TPGS2: variants seen among roughly 807,000 people sequenced by gnomAD.
The protein encoded by TPGS2 is polyglutamylase subunit 2.
In TPGS2, 26 loss-of-function variants were observed where a neutral mutation model predicts 31.1. That is an observed-to-expected ratio of 0.84 (90% CI 0.61 to 1.16). The LOEUF (loss-of-function observed/expected upper bound fraction) is 1.16. Ranked by LOEUF, TPGS2 falls within the 50% of genes most tolerant of loss-of-function variation. The probability of loss-of-function intolerance (pLI) is 0.00; values close to 1 mark genes in which losing one functional copy is unlikely to be tolerated. For missense variants in TPGS2, 351 were observed against 363.8 expected, an observed-to-expected ratio of 0.96 and a Z score of 0.29; for synonymous variants, 130 against 136.6, an observed-to-expected ratio of 0.95 and a Z score of 0.34.
At chr18:36,818,209 A>G (rs781101622) in intron 2 of TPGS2, among the ~76,000 whole-genome samples, 4 of 151,984 alleles carry the variant, frequency 2.6e-5, no homozygotes, top group Non-Finnish European at 5.9e-5. Context: ...CTTTGGGAAA[A>G]CTTTTCTCAA....
chr18:36,784,042 T>C (rs2044074819), intron 6 of TPGS2, among the ~76,000 whole-genome samples: 1 of 150,888 alleles, frequency 6.6e-6, no homozygotes, highest in Admixed American at 6.6e-5. Context: ...CACCAAGAGC[T>C]GTAAAAGGCA....
intron 2 of TPGS2, among the ~76,000 whole-genome samples, chr18:36,813,533 C>T (rs1321935513): frequency 6.6e-6 from 1 of 152,202 alleles, no homozygotes; most frequent in Non-Finnish European, 1.5e-5. Context: ...TTCATTTGAA[C>T]ACAGTCACAC....
At chr18:36,790,423 G>A, downstream of TPGS2, among the ~76,000 whole-genome samples, 1 of 152,188 alleles carries the variant, frequency 6.6e-6, no homozygotes, top group East Asian at 1.9e-4. Context: ...CTTTCATAAT[G>A]CTCGCTACAT....
chr18:36,821,216 C>T (rs894057519), intron 1 of TPGS2: 2 of 152,074 alleles, frequency 1.3e-5, no homozygotes, highest in Non-Finnish European at 2.9e-5. Context: ...TTCTTTGATT[C>T]CTGAGCCATC....
At chr18:36,780,188 G>A (rs2043969810), downstream of TPGS2, 1 of 1,231,726 alleles carries the variant, frequency 8.1e-7, no homozygotes, top group African/African-American at 1.6e-5. Flanking sequence ...GATCCTTTGG[G>A]CTGTATTTTG....
intron 1 of TPGS2, chr18:36,820,831 A>G (rs187406972): frequency 1.1e-4 from 16 of 152,356 alleles, no homozygotes; most frequent in African/African-American, 3.6e-4. Flanking sequence ...TTGGCCTATC[A>G]AGATGCCATA....
intron 6 of TPGS2, among the ~76,000 whole-genome samples, chr18:36,797,676 G>A (rs2044599571): frequency 6.7e-6 from 1 of 150,068 alleles, no homozygotes; most frequent in African/African-American, 2.5e-5. Context: ...AGGTGAGCTG[G>A]AGCTGAGTTC....
At chr18:36,823,460 G>GTTGTTTT (rs1556785667) in intron 1 of TPGS2, among the ~76,000 whole-genome samples, 23 of 108,092 alleles carry the variant, frequency 2.1e-4, no homozygotes, top group African/African-American at 8.0e-4. Context: ...TTAACAGCTT[G>GTTGTTTT]TTTTTTTTTT....
chr18:36,825,326 G>A lies in TPGS2; in HGVS notation c.85+3357C>T, dbSNP rs529306845. On this transcript the variant is annotated intron_variant, in intron 1 of 6. Transcript: ENST00000334295. ...GGGCGCCTGGAGTCCCAGCTGCCCG[G>A]GAGGATGAGGCAGGAGAATGGCTAG... Among the ~76,000 whole-genome samples the A allele has an allele frequency of 9.4e-4, 142 of 151,834 alleles. 2 individuals carry two copies. Among genetic ancestry groups the A allele is most frequent in the African/African-American group, 3.3e-3 (138 of 41,414 alleles).
At chr18:36,828,609 AC>A (rs2046311588) in intron 1 of TPGS2, 73 bp downstream of exon 1, 3 of 1,530,874 alleles carry the variant, frequency 2.0e-6, no homozygotes, top group Non-Finnish European at 2.7e-6. Flanking sequence ...CGCACCGCTC[AC>A]CCCGCACCTC....
At chr18:36,782,037 G>C (rs974697828), downstream of TPGS2, 29 of 654,132 alleles carry the variant, frequency 4.4e-5, no homozygotes, top group Non-Finnish European at 5.5e-5. Flanking sequence ...CCTATTGCTT[G>C]GCACTGAATG....
intron 1 of TPGS2, among the ~76,000 whole-genome samples, chr18:36,821,371 G>C (rs952071331): frequency 7.9e-5 from 12 of 152,130 alleles, no homozygotes; most frequent in African/African-American, 2.7e-4. Context: ...CCCCAAATGA[G>C]AACTACCCCA....
chr18:36,799,857 T>TATAAAAGAAAG (rs57375071), intron 5 of TPGS2, among the ~76,000 whole-genome samples: 18,334 of 152,096 alleles, frequency 0.12, 1,360 homozygotes, highest in Admixed American at 0.17. Context: ...GATATAGAAG[T>TATAAAAGAAAG]ATAAAAGATA....
chr18:36,810,472 C>T (rs1360554558), intron 2 of TPGS2, among the ~76,000 whole-genome samples: 3 of 152,084 alleles, frequency 2.0e-5, no homozygotes, highest in Non-Finnish European at 2.9e-5. Context: ...CTTCTTCCCA[C>T]ACAGATCCAT....
chr18:36,787,780 T>C (rs2044175926), intron 6 of TPGS2, among the ~76,000 whole-genome samples: 1 of 152,186 alleles, frequency 6.6e-6, no homozygotes, highest in Admixed American at 6.5e-5. Context: ...ATTAGGAATG[T>C]TGTGAGAATT....
At position 36,798,543 on chromosome 18, in the gene TPGS2, G is replaced by A. The variant is rs925813121; in HGVS notation, c.563C>T (p.Thr188Ile). 2 of 1,614,236 alleles carry A rather than the reference G, an allele frequency of 1.2e-6. No individual in the cohort carries two copies. The highest frequency in any genetic ancestry group is 1.7e-6 in the Non-Finnish European group (2 of 1,180,048). The stretch of plus-strand genomic sequence containing the variant: ...GAGCAGGCGGTAATAGGCAGTAAAG[G>A]TGTCTGTGAGAAAATGCCAGTATAA... ...RALYWHFLTD[T>I]FTAYYRLLIT... is the part of the protein sequence containing the mutation. The change falls in exon 6 of 7, where the codon ACC becomes ATC. Residue 188 changes from threonine to isoleucine, a missense_variant. Thr to Ile is a moderately conservative substitution (Grantham distance 89). Coordinates refer to ENST00000334295, the MANE Select transcript of TPGS2 (RefSeq NM_015476.4).
intron 6 of TPGS2, 45 bp from the exon 7 acceptor site, chr18:36,797,095 A>C: frequency 6.3e-7 from 1 of 1,593,316 alleles, no homozygotes; most frequent in Non-Finnish European, 8.5e-7. Context: ...CAAAGGAAAA[A>C]TGCCATTCTG....
chr18:36,786,864 A>T (rs886808287), intron 6 of TPGS2: 79 of 1,234,220 alleles, frequency 6.4e-5, no homozygotes, highest in Non-Finnish European at 7.6e-5. Flanking sequence ...CATTCTTGCC[A>T]TAACTGAGGA....
chr18:36,792,511 A>C (rs1267155485), downstream of TPGS2, among the ~76,000 whole-genome samples: 1 of 152,230 alleles, frequency 6.6e-6, no homozygotes, highest in East Asian at 1.9e-4. Context: ...TTACTGGAAT[A>C]AAAACAGATT....
Sources: allele counts gnomAD v4.1 joint callset (sites outside exome capture counted in the v4.1 genomes callset), GRCh38; gene constraint gnomAD v4.1.1; transcripts MANE v1.5; gene names NCBI Gene and HGNC (gene_info 2026-07-23, HGNC 2026-07-21).